NPAS3: variants seen among roughly 807,000 people sequenced by gnomAD.
NPAS3 encodes the protein neuronal PAS domain-containing protein 3.
Under a neutral mutation model 73.1 loss-of-function variants are expected in NPAS3, and 14 were observed. That is an observed-to-expected ratio of 0.19 (90% CI 0.13 to 0.30). The LOEUF (loss-of-function observed/expected upper bound fraction) is 0.30, where lower values mean the gene tolerates loss of function less well. Ranked by LOEUF, NPAS3 falls within the 10% of genes least tolerant of loss-of-function variation. NPAS3 has a pLI of 1.00. For missense variants in NPAS3, 1,096 were observed against 1,250.0 expected, an observed-to-expected ratio of 0.88 and a Z score of 1.86; for synonymous variants, 620 against 541.5, an observed-to-expected ratio of 1.14 and a Z score of -2.01.
chr14:33,543,188 A>G (rs2054598832), intron 4 of NPAS3, among the ~76,000 whole-genome samples: 1 of 152,150 alleles, frequency 6.6e-6, no homozygotes, highest in African/African-American at 2.4e-5. Context: ...TCTGAAACAC[A>G]AACTGAGTTT....
intron 2 of NPAS3, among the ~76,000 whole-genome samples, chr14:33,087,954 C>A (rs762215057): frequency 6.6e-5 from 10 of 152,178 alleles, no homozygotes; most frequent in Non-Finnish European, 1.5e-4. Flanking sequence ...TTAACAACAG[C>A]AAACATCTCC....
chr14:33,789,595 T>TTTTTTTTC (rs1456498882), intron 9 of NPAS3, among the ~76,000 whole-genome samples: 1 of 133,294 alleles, frequency 7.5e-6, no homozygotes, highest in Non-Finnish European at 1.6e-5. Flanking sequence ...TTTTTTTTTT[T>TTTTTTTTC]TTTTTTTTTT....
At chr14:33,481,728 T>C (rs2051333163) in intron 4 of NPAS3, among the ~76,000 whole-genome samples, 1 of 151,900 alleles carries the variant, frequency 6.6e-6, no homozygotes, top group Non-Finnish European at 1.5e-5. Context: ...AAGGGCCACA[T>C]TCAGAAACGC....
intron 7 of NPAS3, among the ~76,000 whole-genome samples, chr14:33,740,344 G>C (rs1057451304): frequency 1.3e-5 from 2 of 152,152 alleles, no homozygotes; most frequent in Non-Finnish European, 2.9e-5. Context: ...GATTTCAAAA[G>C]CCTTCTTTCC....
At chr14:33,094,353 G>T in intron 2 of NPAS3, among the ~76,000 whole-genome samples, 1 of 151,830 alleles carries the variant, frequency 6.6e-6, no homozygotes. Flanking sequence ...AATATCTTCT[G>T]TTTTATTTAT....
chr14:33,644,124 A>T (rs756285127), intron 5 of NPAS3, among the ~76,000 whole-genome samples: 38 of 152,178 alleles, frequency 2.5e-4, no homozygotes, highest in Non-Finnish European at 5.1e-4. Context: ...ACTTTCTTGT[A>T]CCAATTCTAT....
rs143578452 is a variant in NPAS3, at chr14:33,475,984, A to C, written c.469-84137A>C. Among the ~76,000 whole-genome samples, 11 of 152,310 alleles carry C rather than the reference A, an allele frequency of 7.2e-5. No individual in the cohort carries two copies. In the East Asian group the frequency reaches 1.4e-3, roughly 19 times the overall value. ...CTCACTTCCCGTTTGATGAGAAACT[A>C]CGTGATTTACTAGTAAGCCATGGCT... On this transcript the variant is annotated intron_variant, in intron 4 of 11. Transcript: ENST00000356141.
At chr14:33,450,249 A>G (rs1437107522) in intron 4 of NPAS3, among the ~76,000 whole-genome samples, 1 of 152,220 alleles carries the variant, frequency 6.6e-6, no homozygotes, top group Non-Finnish European at 1.5e-5. Context: ...TCTCGGTTCT[A>G]CAGCAAAACT....
chr14:32,982,201 G>A (rs1315490174), intron 1 of NPAS3, among the ~76,000 whole-genome samples: 2 of 152,162 alleles, frequency 1.3e-5, no homozygotes, highest in African/African-American at 4.8e-5. Context: ...AAGGGCAAGA[G>A]AGCTTGAGAG....
chr14:33,509,507 T>C (rs982620044), intron 4 of NPAS3, among the ~76,000 whole-genome samples: 4 of 152,100 alleles, frequency 2.6e-5, no homozygotes, highest in African/African-American at 9.7e-5. Context: ...CTCTTCTAGT[T>C]CTTTCTTGTA....
At chr14:33,457,031 C>A (rs776824121) in intron 4 of NPAS3, among the ~76,000 whole-genome samples, 1 of 152,168 alleles carries the variant, frequency 6.6e-6, no homozygotes, top group East Asian at 1.9e-4. Flanking sequence ...GGAGGCAATA[C>A]GGTTCAAGAT....
chr14:33,414,092 A>G (rs150433920), intron 4 of NPAS3, among the ~76,000 whole-genome samples: 222 of 152,246 alleles, frequency 1.5e-3, no homozygotes, highest in African/African-American at 5.2e-3. Flanking sequence ...TTATGTGCAT[A>G]TTGCAATATT....
At chr14:32,995,026 A>C (rs1479168566) in intron 1 of NPAS3, among the ~76,000 whole-genome samples, 1 of 152,224 alleles carries the variant, frequency 6.6e-6, no homozygotes, top group Non-Finnish European at 1.5e-5. Context: ...TAAAGAAACA[A>C]GTGGCTCTCG....
intron 1 of NPAS3, among the ~76,000 whole-genome samples, chr14:33,044,590 G>C (rs1361142407): frequency 2.6e-5 from 4 of 151,782 alleles, no homozygotes; most frequent in Non-Finnish European, 5.9e-5. Flanking sequence ...CTTGTGCCAG[G>C]CTTTGTGCAA....
At chr14:33,200,121 A>G (rs1473442050) in intron 2 of NPAS3, among the ~76,000 whole-genome samples, 2 of 151,822 alleles carry the variant, frequency 1.3e-5, no homozygotes, top group African/African-American at 4.8e-5. Context: ...TTGTGATTAA[A>G]TGTTCAATAA....
At chr14:33,307,593 A>ATGTGTGTGTGTGTGTGTGTGTGTG (rs10528551) in intron 3 of NPAS3, among the ~76,000 whole-genome samples, 10,226 of 138,816 alleles carry the variant, frequency 0.074, 401 homozygotes, top group Middle Eastern at 0.089. Flanking sequence ...TTTTTTTTCA[A>ATGTGTGTGTGTGTGTGTGTGTGTG]TGTGTGTGTG....
At chr14:33,384,310 C>T (rs899825955) in intron 4 of NPAS3, among the ~76,000 whole-genome samples, 5 of 151,384 alleles carry the variant, frequency 3.3e-5, no homozygotes, top group South Asian at 2.1e-4. Context: ...ATAAAATGGA[C>T]GGATTTTGAG....
intron 5 of NPAS3, among the ~76,000 whole-genome samples, chr14:33,604,774 G>C (rs188100703): frequency 6.6e-6 from 1 of 152,118 alleles, no homozygotes; most frequent in Admixed American, 6.5e-5. Flanking sequence ...CTACAGAGGA[G>C]TTAAACTAGA....
At chr14:33,116,464 A>T (rs2043067528) in intron 2 of NPAS3, among the ~76,000 whole-genome samples, 1 of 152,092 alleles carries the variant, frequency 6.6e-6, no homozygotes, top group Non-Finnish European at 1.5e-5. Context: ...CCTCCTTCCA[A>T]GTTATTTATT....
Sources: allele counts gnomAD v4.1 joint callset (sites outside exome capture counted in the v4.1 genomes callset), GRCh38; gene constraint gnomAD v4.1.1; transcripts MANE v1.5; gene names NCBI Gene and HGNC (gene_info 2026-07-23, HGNC 2026-07-21).